OR9Q1: variants seen among roughly 807,000 people sequenced by gnomAD.
OR9Q1 encodes olfactory receptor 9Q1.
For synonymous variants in OR9Q1, 153 were observed against 148.6 expected, an observed-to-expected ratio of 1.03 and a Z score of -0.22; for missense variants, 374 against 378.8, an observed-to-expected ratio of 0.99 and a Z score of 0.11.
At chr11:58,172,180 A>G (rs1854562131) in intron 2 of OR9Q1, among the ~76,000 whole-genome samples, 1 of 152,122 alleles carries the variant, frequency 6.6e-6, no homozygotes. Context: ...AATGATTTGT[A>G]ATTTTGTCCT....
At position 58,173,216 on chromosome 11, in the gene OR9Q1, A is replaced by G. The variant is rs574479741; in HGVS notation, c.-14-6215A>G. ...TTTGTTACATATGTATACATGTGCCATGTTGGTGTACTGCACCCATTAACT... is the reference window on the plus strand; with the variant it reads ...TTTGTTACATATGTATACATGTGCCGTGTTGGTGTACTGCACCCATTAACT... On this transcript the variant is annotated intron_variant, in intron 2 of 2. Coordinates refer to ENST00000335397, the MANE Select transcript of OR9Q1 (RefSeq NM_001005212.4). Among the ~76,000 whole-genome samples, 20 of 151,844 alleles carry G rather than the reference A, an allele frequency of 1.3e-4. No homozygotes were observed. In the South Asian group the frequency reaches 2.7e-3, roughly 21 times the overall value.
chr11:58,085,067 A>G (rs1001945707), intron 2 of OR9Q1, among the ~76,000 whole-genome samples: 4 of 151,910 alleles, frequency 2.6e-5, no homozygotes, highest in Non-Finnish European at 5.9e-5. Context: ...CAAAAATAAA[A>G]CAATGTAAGT....
intron 2 of OR9Q1, among the ~76,000 whole-genome samples, chr11:58,123,973 C>A (rs1264412894): frequency 2.0e-5 from 3 of 152,082 alleles, no homozygotes; most frequent in African/African-American, 7.2e-5. Context: ...CAATTGGAAC[C>A]TCAATTTTTT....
chr11:58,034,792 C>CCTT (rs1853082380), intron 1 of OR9Q1, among the ~76,000 whole-genome samples: 2 of 96,050 alleles, frequency 2.1e-5, no homozygotes, highest in Non-Finnish European at 2.1e-5. Flanking sequence ...CCTCCTTTCT[C>CCTT]CCTTCCTTCC....
intron 2 of OR9Q1, among the ~76,000 whole-genome samples, chr11:58,154,031 T>C (rs1346147528): frequency 6.6e-6 from 1 of 151,636 alleles, no homozygotes; most frequent in Non-Finnish European, 1.5e-5. Context: ...CAGAAAGCTG[T>C]ATTTAAAGAA....
At chr11:58,068,280 G>A (rs1165042772) in intron 2 of OR9Q1, among the ~76,000 whole-genome samples, 4 of 151,858 alleles carry the variant, frequency 2.6e-5, no homozygotes, top group Admixed American at 1.3e-4. Context: ...CCTGGGAGGT[G>A]GAGGCTGTAG....
intron 1 of OR9Q1, among the ~76,000 whole-genome samples, chr11:58,042,678 T>C (rs1458754326): frequency 6.6e-6 from 1 of 152,096 alleles, no homozygotes; most frequent in African/African-American, 2.4e-5. Flanking sequence ...TCCAATTCTG[T>C]GAAGAAAGTC....
chr11:58,136,729 C>T (rs1186277618), intron 2 of OR9Q1, among the ~76,000 whole-genome samples: 2 of 152,156 alleles, frequency 1.3e-5, no homozygotes, highest in African/African-American at 4.8e-5. Context: ...TATTCCTCTG[C>T]CCATTGCAAA....
intron 2 of OR9Q1, among the ~76,000 whole-genome samples, chr11:58,080,868 G>C (rs566959870): frequency 1.3e-5 from 2 of 152,228 alleles, no homozygotes; most frequent in East Asian, 3.9e-4. Context: ...TGCACCACCT[G>C]CAGGTTTGTC....
At chr11:58,045,862 G>C (rs943101264) in intron 1 of OR9Q1, among the ~76,000 whole-genome samples, 2 of 152,130 alleles carry the variant, frequency 1.3e-5, no homozygotes, top group African/African-American at 4.8e-5. Context: ...ACTGACACAG[G>C]GGCTGGATAA....
intron 2 of OR9Q1, among the ~76,000 whole-genome samples, chr11:58,151,882 T>C (rs1854356412): frequency 1.3e-5 from 2 of 152,142 alleles, no homozygotes; most frequent in Admixed American, 1.3e-4. Flanking sequence ...TTAAATTTCT[T>C]TTCCAGTTAC....
chr11:58,066,416 G>T (rs1309215398), intron 2 of OR9Q1, among the ~76,000 whole-genome samples: 1 of 152,066 alleles, frequency 6.6e-6, no homozygotes, highest in Non-Finnish European at 1.5e-5. Flanking sequence ...GTCCTTTGTT[G>T]TCAGAGCGTC....
chr11:58,082,254 A>T (rs1474954643), intron 2 of OR9Q1, among the ~76,000 whole-genome samples: 2 of 152,180 alleles, frequency 1.3e-5, no homozygotes. Flanking sequence ...CAGCCATCCC[A>T]TTACTGGGAA....
At chr11:58,059,267 G>T (rs1183042365) in intron 2 of OR9Q1, among the ~76,000 whole-genome samples, 1 of 152,144 alleles carries the variant, frequency 6.6e-6, no homozygotes, top group Non-Finnish European at 1.5e-5. Context: ...TCTATACATT[G>T]TATAATTCTT....
intron 2 of OR9Q1, among the ~76,000 whole-genome samples, chr11:58,080,124 T>A (rs181971444): frequency 5.3e-5 from 8 of 152,282 alleles, no homozygotes; most frequent in South Asian, 2.1e-4. Flanking sequence ...TAGGTAGTTT[T>A]TCAACCCACA....
intron 2 of OR9Q1, among the ~76,000 whole-genome samples, chr11:58,110,505 T>A (rs1371049840): frequency 6.6e-6 from 1 of 152,202 alleles, no homozygotes; most frequent in Non-Finnish European, 1.5e-5. Flanking sequence ...CCACATTAAT[T>A]TAGTGATTCC....
chr11:58,138,034 T>C (rs1379097598), intron 2 of OR9Q1, among the ~76,000 whole-genome samples: 1 of 152,182 alleles, frequency 6.6e-6, no homozygotes, highest in Non-Finnish European at 1.5e-5. Context: ...TGGGAGATAC[T>C]TGCTTTAGTG....
chr11:58,058,009 C>T (rs1853343955), intron 2 of OR9Q1, among the ~76,000 whole-genome samples: 1 of 152,188 alleles, frequency 6.6e-6, no homozygotes, highest in Non-Finnish European at 1.5e-5. Context: ...GATTTGAGCC[C>T]ATATCACTTT....
chr11:58,155,919 C>CT (rs11433125), intron 2 of OR9Q1, among the ~76,000 whole-genome samples: 13 of 147,106 alleles, frequency 8.8e-5, no homozygotes, highest in African/African-American at 3.2e-4. Flanking sequence ...CTTTTCCTTC[C>CT]TTTTTTTTTT....
Sources: allele counts gnomAD v4.1 joint callset (sites outside exome capture counted in the v4.1 genomes callset), GRCh38; gene constraint gnomAD v4.1.1; transcripts MANE v1.5; gene names NCBI Gene and HGNC (gene_info 2026-07-23, HGNC 2026-07-21).